The following NME8 variants were observed in gnomAD, a reference collection of about 807,000 sequenced individuals.
NME8 encodes protein NME8.
NME8 carries 72 observed loss-of-function variants against 82.3 expected under a neutral mutation model. That is an observed-to-expected ratio of 0.87 (90% CI 0.72 to 1.06). The LOEUF (loss-of-function observed/expected upper bound fraction) is 1.06, where lower values mean the gene tolerates loss of function less well. Among genes scored for constraint, NME8 ranks in the 50% least tolerant of loss-of-function variants. The probability of loss-of-function intolerance (pLI) is 0.00; values close to 1 mark genes in which losing one functional copy is unlikely to be tolerated. For missense variants in NME8, 712 were observed against 685.4 expected (o/e 1.04, Z -0.43); for synonymous variants, 267 against 228.5 (o/e 1.17, Z -1.52).
intron 6 of NME8, among the ~76,000 whole-genome samples, chr7:37,860,702 A>G (rs1385863491): frequency 1.3e-5 from 2 of 152,150 alleles, no homozygotes; most frequent in Non-Finnish European, 2.9e-5. Flanking sequence ...GCTGAATGCT[A>G]TGCTTTCCAC....
chr7:37,880,907 T>C (rs985643064), intron 12 of NME8, among the ~76,000 whole-genome samples: 1 of 152,172 alleles, frequency 6.6e-6, no homozygotes, highest in Admixed American at 6.5e-5. Flanking sequence ...ATAAATTGTT[T>C]TGCTTTAAAT....
chr7:37,850,609 T>C lies in NME8; in HGVS notation c.92-20T>C, dbSNP rs1386196136. ...TAGATTGGTAGACTTTGTTATTTCA[T>C]AAATATCATCATCTTCTAGTGATTG... On this transcript the variant is annotated intron_variant, in intron 4 of 17. Coordinates refer to ENST00000199447, the MANE Select transcript of NME8 (RefSeq NM_016616.5). 1.9e-6 allele frequency: 3 copies of C among 1,575,928 alleles called. No homozygotes were observed. The highest frequency in any genetic ancestry group is 2.7e-5 in the African/African-American group (2 of 74,026).
rs1311167605 is a variant in NME8 at position 37,885,199 on chromosome 7, A to G, written c.1194A>G (p.Lys398=). 5 of 1,613,788 alleles carry G rather than the reference A, an allele frequency of 3.1e-6. No homozygotes were observed. The highest frequency in any genetic ancestry group is 1.7e-5 in the Admixed American group (1 of 59,984). Residue 398 remains lysine (K), a synonymous_variant, in exon 14 of 18, where the codon AAA becomes AAG. Coordinates refer to ENST00000199447, the MANE Select transcript of NME8 (RefSeq NM_016616.5). ...LLRDNGLQYW[K]QLLGPRTVEE... ...GAGACAATGGCTTGCAATACTGGAA[A>G]CAATTACTGGGACCAAGAACTGTTG...
chr7:37,859,948 C>T (rs2131945555), intron 6 of NME8, among the ~76,000 whole-genome samples: 1 of 152,308 alleles, frequency 6.6e-6, no homozygotes, highest in East Asian at 1.9e-4. Context: ...GTCCAATGCT[C>T]ATTTTATTCA....
At chr7:37,896,124 T>C (rs1722221957) in intron 16 of NME8, among the ~76,000 whole-genome samples, 1 of 152,212 alleles carries the variant, frequency 6.6e-6, no homozygotes, top group African/African-American at 2.4e-5. Context: ...TGACAATTTG[T>C]CAATGAGTTT....
chr7:37,875,175 C>T (rs953934201), intron 11 of NME8, among the ~76,000 whole-genome samples: 2 of 152,152 alleles, frequency 1.3e-5, no homozygotes, highest in South Asian at 2.1e-4. Flanking sequence ...GAGGTTGAGT[C>T]GCTGTTGGAG....
intron 11 of NME8, among the ~76,000 whole-genome samples, chr7:37,874,717 C>T (rs1207040833): frequency 6.6e-6 from 1 of 152,030 alleles, no homozygotes; most frequent in Admixed American, 6.6e-5. Context: ...GGTTAATTTT[C>T]CCGTCACATA....
rs1204673612 is a variant in NME8, at chr7:37,897,087, A to G, written c.1762A>G (p.Asn588Asp). 1 of 1,601,462 alleles carries G rather than the reference A, an allele frequency of 6.2e-7. No individual in the cohort carries two copies. The highest frequency in any genetic ancestry group is 1.1e-5 in the South Asian group (1 of 90,842). ...VNRLFEDPEE[N>D] Reference sequence around the variant, plus strand: ...TAGACTCTTTGAGGATCCTGAGGAAAACTAAAGTATATACTGTGAAGTACG... The same window carrying G: ...TAGACTCTTTGAGGATCCTGAGGAAGACTAAAGTATATACTGTGAAGTACG... Residue 588 changes from asparagine to aspartate, a missense_variant, in exon 17 of 18, where the codon AAC becomes GAC. Coordinates refer to ENST00000199447, the MANE Select transcript of NME8 (RefSeq NM_016616.5).
intron 10 of NME8, among the ~76,000 whole-genome samples, chr7:37,867,456 T>C (rs564849310): frequency 9.8e-5 from 15 of 152,314 alleles, no homozygotes; most frequent in African/African-American, 3.4e-4. Context: ...CTGGTTATTA[T>C]ACATTTTCTT....
At chr7:37,879,303 T>A (rs956908370) in intron 12 of NME8, among the ~76,000 whole-genome samples, 2 of 152,024 alleles carry the variant, frequency 1.3e-5, no homozygotes, top group African/African-American at 2.4e-5. Context: ...TGTGCCACCA[T>A]GCCCGGCTAA....
At chr7:37,858,203 A>G (rs2131943833) in intron 6 of NME8, among the ~76,000 whole-genome samples, 1 of 152,348 alleles carries the variant, frequency 6.6e-6, no homozygotes, top group East Asian at 1.9e-4. Flanking sequence ...GAAAGCCTTC[A>G]CGGAGGAGAT....
rs180803661 is a variant in NME8 at position 37,862,165 on chromosome 7, C to T, written c.387+21C>T. ...CTCAGGTAATACTTTGGATTAACAA[C>T]AGTTTGAAGACAAGCTTATCATTTA... On this transcript the variant is annotated intron_variant, in intron 7 of 17. Transcript: ENST00000199447. 19 of 1,465,884 alleles carry T rather than the reference C, an allele frequency of 1.3e-5. No homozygotes were observed. In the Admixed American group the frequency reaches 1.7e-4, roughly 13 times the overall value. 90.8% of individuals were successfully genotyped at this position (1,465,884 alleles called of 1,614,324 possible). A position where few individuals can be genotyped will look rare whatever the true frequency, so the allele number is the denominator to read the frequency against.
intron 5 of NME8, among the ~76,000 whole-genome samples, chr7:37,852,429 G>A (rs890902083): frequency 6.6e-6 from 1 of 151,962 alleles, no homozygotes; most frequent in Admixed American, 6.6e-5. Context: ...AATGTGTAAT[G>A]ACATGTACTT....
chr7:37,857,181 A>T, intron 5 of NME8, 93 bp from the exon 6 acceptor site: 3 of 1,010,622 alleles, frequency 3.0e-6, no homozygotes, highest in Non-Finnish European at 4.5e-6. Context: ...AAACCTAAAA[A>T]TTATATATAT....
intron 11 of NME8, among the ~76,000 whole-genome samples, chr7:37,874,206 T>C (rs75890420): frequency 8.1e-4 from 124 of 152,320 alleles, no homozygotes; most frequent in African/African-American, 2.8e-3. Flanking sequence ...TTGGAATCTC[T>C]GAACACACAC....
intron 11 of NME8, among the ~76,000 whole-genome samples, chr7:37,868,107 G>T (rs1583632541): frequency 6.6e-6 from 1 of 152,208 alleles, no homozygotes; most frequent in South Asian, 2.1e-4. Flanking sequence ...GTTGGCTTGT[G>T]GGTTGTAGGG....
chr7:37,888,063 A>T (rs1425750972), intron 14 of NME8, among the ~76,000 whole-genome samples: 1 of 152,168 alleles, frequency 6.6e-6, no homozygotes, highest in East Asian at 1.9e-4. Context: ...CATCGCCTTG[A>T]TGATTTAAAT....
intron 12 of NME8, among the ~76,000 whole-genome samples, chr7:37,882,262 G>A (rs1242909618): frequency 3.3e-5 from 5 of 152,038 alleles, no homozygotes; most frequent in Admixed American, 6.6e-5. Context: ...CCAGGCAGCC[G>A]CATTGCTTGA....
chr7:37,865,459 A>G, intron 9 of NME8, 66 bp from the exon 10 acceptor site: 1 of 1,153,974 alleles, frequency 8.7e-7, no homozygotes, highest in Non-Finnish European at 1.3e-6. Flanking sequence ...AGCCCAAAAA[A>G]CAAACTTAAC....
Sources: allele counts gnomAD v4.1 joint callset (sites outside exome capture counted in the v4.1 genomes callset), GRCh38; gene constraint gnomAD v4.1.1; transcripts MANE v1.5; gene names NCBI Gene and HGNC (gene_info 2026-07-23, HGNC 2026-07-21).